The following RUFY4 variants were observed in gnomAD, a reference collection of about 807,000 sequenced individuals.
The protein encoded by RUFY4 is RUN and FYVE domain-containing protein 4.
In RUFY4, 73 loss-of-function variants were observed where a neutral mutation model predicts 69.0. The ratio of observed to expected loss-of-function variants is 1.06; its 90% CI spans 0.88 to 1.29. The LOEUF is 1.29. RUFY4 is among the 50% of genes most tolerant of loss of function. The probability of loss-of-function intolerance (pLI) is 0.00; values close to 1 mark genes in which losing one functional copy is unlikely to be tolerated. For missense variants in RUFY4, 770 were observed against 705.6 expected (o/e 1.09, Z -1.03); for synonymous variants, 287 against 271.8 (o/e 1.06, Z -0.55).
At chr2:218,076,614 T>C in intron 8 of RUFY4, 81 bp downstream of exon 10, 9 of 1,521,614 alleles carry the variant, frequency 5.9e-6, no homozygotes, top group Non-Finnish European at 5.3e-6. Context: ...GCCAGTGAGG[T>C]CTTGTGAGAA....
At chr2:218,069,985 C>T (rs149830395), upstream of RUFY4, among the ~76,000 whole-genome samples, 194 of 152,272 alleles carry the variant, frequency 1.3e-3, 1 homozygote, top group African/African-American at 4.1e-3. Context: ...GCCCTGGGGC[C>T]GTGCTTTACT....
upstream of RUFY4, among the ~76,000 whole-genome samples, chr2:218,067,204 C>A (rs1689359074): frequency 6.6e-6 from 1 of 152,240 alleles, no homozygotes; most frequent in Non-Finnish European, 1.5e-5. Flanking sequence ...TCTCTAACCC[C>A]AGCCACTGGC....
rs1320264126 is a variant in RUFY4, at chr2:218,070,745, C to T, written c.47-8C>T. 1 of 1,536,776 alleles carries T rather than the reference C, an allele frequency of 6.5e-7. No individual in the cohort carries two copies. Among genetic ancestry groups the T allele is most frequent in the East Asian group, 2.4e-5 (1 of 41,030 alleles). ...TCAGCGACCTGACATCTGCCATCCT[C>T]CCAGCAGCTGCCGTCTCTGCCATCC... is the stretch of plus-strand genomic sequence containing the variant. On this transcript the variant is annotated splice_polypyrimidine_tract_variant and splice_region_variant and intron_variant, in intron 1 of 10. Transcript: ENST00000344321.
upstream of RUFY4, among the ~76,000 whole-genome samples, chr2:218,067,631 C>A (rs561363312): frequency 3.5e-4 from 54 of 152,282 alleles, no homozygotes; most frequent in South Asian, 0.011. Flanking sequence ...GAGTCACAGG[C>A]AAGCTCCAGG....
chr2:218,035,863 A>G (rs1426274970), intron 2 of RUFY4, among the ~76,000 whole-genome samples: 1 of 152,198 alleles, frequency 6.6e-6, no homozygotes, highest in African/African-American at 2.4e-5. Context: ...ACACATTTCC[A>G]TTCAGCTGGG....
At chr2:218,068,134 A>ACTGGAGGATGGCAGGGGG (rs1689388545), upstream of RUFY4, among the ~76,000 whole-genome samples, 1 of 134,736 alleles carries the variant, frequency 7.4e-6, no homozygotes, top group Non-Finnish European at 1.6e-5. Flanking sequence ...AGGGCAGGGG[A>ACTGGAGGATGGCAGGGGG]CTGGAGGAGG....
chr2:218,073,402 CA>C lies in RUFY4; in HGVS notation c.530+17del. On this transcript the variant is annotated intron_variant, in intron 5 of 10. Coordinates refer to ENST00000344321, the Ensembl canonical transcript of RUFY4. Reference sequence around the variant, plus strand: ...TGTTCTCAGAGTGAGTGGGTGCAGCCAGGAGAGAAGTCTCTTTTGACACCTG... The same window carrying C: ...TGTTCTCAGAGTGAGTGGGTGCAGCCGGAGAGAAGTCTCTTTTGACACCTG... The C allele has an allele frequency of 1.9e-6, 3 of 1,583,950 alleles. No individual in the cohort carries two copies. Among genetic ancestry groups the C allele is most frequent in the Non-Finnish European group, 2.6e-6 (3 of 1,164,768 alleles).
chr2:218,082,380 C>CCGT (rs139602009), intron 8 of RUFY4, among the ~76,000 whole-genome samples: 1 of 151,862 alleles, frequency 6.6e-6, no homozygotes, highest in Non-Finnish European at 1.5e-5. Context: ...CAGGCGTCTG[C>CCGT]CTTCCCTCCA....
chr2:218,052,108 T>C (rs1284754108), intron 2 of RUFY4, among the ~76,000 whole-genome samples: 1 of 152,240 alleles, frequency 6.6e-6, no homozygotes, highest in African/African-American at 2.4e-5. Context: ...CGTCACTGCC[T>C]CCTGCTCTTC....
intron 5 of RUFY4, 62 bp downstream of exon 7, chr2:218,073,448 T>G: frequency 6.4e-7 from 1 of 1,551,186 alleles, no homozygotes; most frequent in Non-Finnish European, 8.7e-7. Context: ...CCACCAAGGG[T>G]CCCAGGCAAG....
upstream of RUFY4, chr2:218,069,625 G>A (rs1374482753): frequency 6.6e-6 from 1 of 152,118 alleles, no homozygotes; most frequent in Non-Finnish European, 1.5e-5. Flanking sequence ...CCAGGTCTCT[G>A]GACTCCTGAC....
In RUFY4 at chr2:218,080,213, A is replaced by C. The variant is rs367833366; in HGVS notation, c.1356-2897A>C. On this transcript the variant is annotated intron_variant, in intron 8 of 10. Transcript: ENST00000344321. Reference sequence around the variant, plus strand: ...AGGCACCGGAATTCTCTGTGCTACCAGAGGCTGGGGCAGGGTTTAGAGCAG... The same window carrying C: ...AGGCACCGGAATTCTCTGTGCTACCCGAGGCTGGGGCAGGGTTTAGAGCAG... Among the ~76,000 whole-genome samples, 231 of 152,330 alleles carry C rather than the reference A, an allele frequency of 1.5e-3. 1 individual carries two copies. The highest frequency in any genetic ancestry group is 5.2e-3 in the African/African-American group (216 of 41,582).
chr2:218,043,514 C>G (rs568126919), intron 2 of RUFY4, among the ~76,000 whole-genome samples: 1 of 152,322 alleles, frequency 6.6e-6, no homozygotes, highest in East Asian at 1.9e-4. Flanking sequence ...CTCTCTGCAG[C>G]TGGTCAACCC....
At chr2:218,060,757 C>G in intron 3 of RUFY4, 1 of 1,525,386 alleles carries the variant, frequency 6.6e-7, no homozygotes. Flanking sequence ...CGCAGCGGCA[C>G]GATGAAGCCA....
intron 2 of RUFY4, among the ~76,000 whole-genome samples, chr2:218,040,553 C>T (rs1219510856): frequency 1.3e-5 from 2 of 152,160 alleles, no homozygotes; most frequent in Non-Finnish European, 2.9e-5. Context: ...GGTTGCCCTC[C>T]TCCTGCCTTA....
chr2:218,070,506 C>A, exon 1 of RUFY4: 1 of 1,029,370 alleles, frequency 9.7e-7, no homozygotes, highest in Non-Finnish European at 1.5e-6. Context: ...GTAGGCTCTG[C>A]GTCCTGCTTT....
exon 10 of RUFY4, chr2:218,089,353 A>G: frequency 1.9e-6 from 3 of 1,613,742 alleles, no homozygotes; most frequent in Middle Eastern, 1.6e-4. Flanking sequence ...TCTCGGCGGT[A>G]TCCATGCAGG....
chr2:218,066,400 C>T (rs1275322852), upstream of RUFY4, among the ~76,000 whole-genome samples: 1 of 151,968 alleles, frequency 6.6e-6, no homozygotes, highest in Non-Finnish European at 1.5e-5. Context: ...GTCTCGAATT[C>T]CTGACCTCAG....
At chr2:218,066,541 G>A (rs1574505274), upstream of RUFY4, among the ~76,000 whole-genome samples, 2 of 152,096 alleles carry the variant, frequency 1.3e-5, no homozygotes, top group African/African-American at 4.8e-5. Context: ...TTGCAGGCCA[G>A]GAATCTCACT....
Sources: allele counts gnomAD v4.1 joint callset (sites outside exome capture counted in the v4.1 genomes callset), GRCh38; gene constraint gnomAD v4.1.1; transcripts MANE v1.5; gene names NCBI Gene and HGNC (gene_info 2026-07-23, HGNC 2026-07-21).